Variants in KMT2C observed in about 807,000 individuals in gnomAD.
KMT2C encodes the protein lysine methyltransferase 2C.
Under a neutral mutation model 507.9 loss-of-function variants are expected in KMT2C, and 88 were observed. The observed-to-expected ratio is 0.17, with a 90% CI of 0.15 to 0.21. The LOEUF (loss-of-function observed/expected upper bound fraction) is 0.21. Among genes scored for constraint, KMT2C ranks in the 10% least tolerant of loss-of-function variants. The probability of loss-of-function intolerance (pLI) is 1.00; values close to 1 mark genes in which losing one functional copy is unlikely to be tolerated. For synonymous variants in KMT2C, 2,049 were observed against 2,080.8 expected (o/e 0.98, Z 0.42); for missense variants, 4,954 against 5,957.8 (o/e 0.83, Z 5.55).
rs768066427 is a variant in KMT2C, at chr7:152,340,912, G to C, written c.251-10173C>G. The stretch of plus-strand genomic sequence containing the variant: ...GACTGCTAATAAATGAAAAAAAATA[G>C]TAACTGTTGGAAGTCAACTGTTCTC... On this transcript the variant is annotated intron_variant, in intron 2 of 58. Coordinates refer to ENST00000262189, the MANE Select transcript of KMT2C (RefSeq NM_170606.3). Among the ~76,000 whole-genome samples the C allele has an allele frequency of 2.0e-5, 3 of 152,032 alleles. No homozygotes were observed. The South Asian group carries it at 6.2e-4, about 31-fold the overall frequency.
chr7:152,252,782 A>C lies in KMT2C; in HGVS notation c.1300-67T>G, dbSNP rs1438876997. 4.3e-6 allele frequency: 5 copies of C among 1,157,186 alleles called. No homozygotes were observed. The East Asian group carries it at 1.3e-4, about 29-fold the overall frequency. 71.7% of individuals were successfully genotyped at this position (1,157,186 alleles called of 1,614,324 possible). A position where few individuals can be genotyped will look rare whatever the true frequency, so the allele number is the denominator to read the frequency against. ...CATTTGTAATTGTAGTTCTGATGTA[A>C]ACCTTTAAAAAGTCATGAATCATTT... On this transcript the variant is annotated intron_variant, in intron 9 of 58. Transcript: ENST00000262189.
intron 55 of KMT2C, among the ~76,000 whole-genome samples, chr7:152,140,595 CA>C (rs1335051629): frequency 1.3e-5 from 2 of 152,104 alleles, no homozygotes; most frequent in Non-Finnish European, 2.9e-5. Context: ...CAACTGAATG[CA>C]AAAGTACTAG....
chr7:152,349,354 G>C (rs905066103), intron 2 of KMT2C, among the ~76,000 whole-genome samples: 7 of 152,056 alleles, frequency 4.6e-5, no homozygotes, highest in African/African-American at 1.4e-4. Context: ...TGAGACGGGA[G>C]AATCACTTGA....
chr7:152,250,636 T>C lies in KMT2C; in HGVS notation c.1735+217A>G, dbSNP rs147280360. On this transcript the variant is annotated intron_variant, in intron 12 of 58. Coordinates refer to ENST00000262189, the MANE Select transcript of KMT2C (RefSeq NM_170606.3). ...TTTAATAGAAAATCACTTGGTCCCT[T>C]AACCAAGTAAGTACTTATGATTAAG... Among the ~76,000 whole-genome samples, 20 of 152,326 alleles carry C rather than the reference T, an allele frequency of 1.3e-4. No homozygotes were observed. In the East Asian group the frequency reaches 3.7e-3, roughly 28 times the overall value.
intron 55 of KMT2C, among the ~76,000 whole-genome samples, chr7:152,140,529 T>A (rs568619081): frequency 1.4e-4 from 21 of 152,350 alleles, no homozygotes; most frequent in Middle Eastern, 3.4e-3. Flanking sequence ...TTGCCATAAA[T>A]AGTTGTATTT....
chr7:152,423,651 C>A (rs2116747528), intron 1 of KMT2C, among the ~76,000 whole-genome samples: 1 of 152,274 alleles, frequency 6.6e-6, no homozygotes, highest in East Asian at 1.9e-4. Context: ...TCAGTACCTA[C>A]CCTCCAGATT....
At chr7:152,376,589 T>C (rs1271386529) in intron 1 of KMT2C, among the ~76,000 whole-genome samples, 1 of 152,170 alleles carries the variant, frequency 6.6e-6, no homozygotes, top group African/African-American at 2.4e-5. Context: ...AAAAGCCTAA[T>C]CCACAGCAAG....
At chr7:152,421,821 T>C (rs142463809) in intron 1 of KMT2C, among the ~76,000 whole-genome samples, 5 of 152,150 alleles carry the variant, frequency 3.3e-5, no homozygotes, top group African/African-American at 9.6e-5. Flanking sequence ...TGATTTGTGC[T>C]CTAAGCCTCA....
Position 152,171,340 on chromosome 7 carries a change from A to G in KMT2C, c.9377T>C (p.Phe3126Ser). The change falls in exon 40 of 59, where the codon TTC becomes TCC. Residue 3126 changes from phenylalanine to serine, a missense_variant and splice_region_variant. Physicochemically the swap from Phe to Ser is radical, Grantham distance 155. Coordinates refer to ENST00000262189, the MANE Select transcript of KMT2C (RefSeq NM_170606.3). ...LGMPPMVMSR[F>S]PFMGQVVTGT... ...AGTTACCACCTGGCCCATAAAAGGG[A>G]ACCTGTCAAAACAGGGTACACAAGT... The G allele has an allele frequency of 6.3e-7, 1 of 1,598,966 alleles. No individual in the cohort carries two copies. Among genetic ancestry groups the G allele is most frequent in the Non-Finnish European group, 8.5e-7 (1 of 1,171,298 alleles).
At chr7:152,158,396 T>C (rs1306688780) in intron 44 of KMT2C, among the ~76,000 whole-genome samples, 1 of 152,260 alleles carries the variant, frequency 6.6e-6, no homozygotes, top group Admixed American at 6.5e-5. Context: ...CCATTTGTAT[T>C]ACCGTAAATT....
At chr7:152,191,154 T>C (rs2093780168) in intron 31 of KMT2C, among the ~76,000 whole-genome samples, 1 of 152,226 alleles carries the variant, frequency 6.6e-6, no homozygotes, top group Non-Finnish European at 1.5e-5. Flanking sequence ...CCTTCCCACA[T>C]GTGCAATTAG....
At chr7:152,146,776 T>C (rs751712131) in intron 52 of KMT2C, 41 bp from the exon 53 acceptor site, 2 of 1,581,422 alleles carry the variant, frequency 1.3e-6, no homozygotes, top group Non-Finnish European at 1.7e-6. Context: ...GGAAATAGGA[T>C]ACAGTATAAA....
rs202225814 is a variant in KMT2C, at chr7:152,145,132, T to C, written c.14174+21A>G. The C allele has an allele frequency of 2.6e-3, 4,156 of 1,612,638 alleles. 6 individuals are homozygous for C. Among genetic ancestry groups the C allele is most frequent in the Non-Finnish European group, 2.5e-3 (2,916 of 1,179,362 alleles). ...CGCCTAGAAACCCTGGGCTGTACTA[T>C]GTGAAGTTAAAACAAAATACCTTAA... On this transcript the variant is annotated intron_variant, in intron 54 of 58. Coordinates refer to ENST00000262189, the MANE Select transcript of KMT2C (RefSeq NM_170606.3).
intron 9 of KMT2C, among the ~76,000 whole-genome samples, chr7:152,256,819 G>A (rs1355308872): frequency 1.3e-5 from 2 of 152,014 alleles, no homozygotes; most frequent in South Asian, 2.1e-4. Flanking sequence ...ACCACTTTTC[G>A]CCCAGAAGAC....
intron 18 of KMT2C, among the ~76,000 whole-genome samples, chr7:152,226,178 G>A (rs1384213886): frequency 6.6e-6 from 1 of 150,706 alleles, no homozygotes; most frequent in Non-Finnish European, 1.5e-5. Context: ...CCTCAGACGT[G>A]GAGGTAGAGT....
chr7:152,359,091 T>C (rs927320677), intron 1 of KMT2C, among the ~76,000 whole-genome samples: 1 of 152,186 alleles, frequency 6.6e-6, no homozygotes, highest in African/African-American at 2.4e-5. Flanking sequence ...ACCAGATATA[T>C]GTATTTTTAA....
intron 1 of KMT2C, among the ~76,000 whole-genome samples, chr7:152,361,114 A>C (rs1262125976): frequency 2.0e-5 from 3 of 152,174 alleles, no homozygotes; most frequent in Non-Finnish European, 2.9e-5. Context: ...CATCACTTCA[A>C]ACTTCACAGG....
chr7:152,391,065 A>C (rs1589680617), intron 1 of KMT2C, among the ~76,000 whole-genome samples: 1 of 128,896 alleles, frequency 7.8e-6, no homozygotes, highest in Non-Finnish European at 1.6e-5. Flanking sequence ...AACTGCTTGA[A>C]CCAGGGAGGC....
chr7:152,269,015 TTAC>T (rs1388060567), intron 7 of KMT2C, among the ~76,000 whole-genome samples: 17 of 152,290 alleles, frequency 1.1e-4, no homozygotes, highest in African/African-American at 3.1e-4. Flanking sequence ...TAAATAAAAT[TTAC>T]TACAATTATT....
Sources: gnomAD v4.1 joint callset for allele counts (sites outside exome capture counted in the v4.1 genomes callset) on GRCh38, gnomAD v4.1.1 for gene constraint, MANE v1.5 for transcripts, NCBI Gene and HGNC (gene_info 2026-07-23, HGNC 2026-07-21) for gene names.